PRKG1: variants seen among roughly 807,000 people sequenced by gnomAD.
PRKG1 encodes cGMP-dependent protein kinase 1.
Under a neutral mutation model 88.1 loss-of-function variants are expected in PRKG1, and 35 were observed. That is an observed-to-expected ratio of 0.40 (90% CI 0.30 to 0.53). The LOEUF is 0.53. PRKG1 is among the 20% of genes least tolerant of loss of function. The pLI, the probability that PRKG1 is intolerant of heterozygous loss-of-function variation, is 0.59. For missense variants in PRKG1, 540 were observed against 839.8 expected (o/e 0.64, Z 4.41); for synonymous variants, 303 against 292.5 (o/e 1.04, Z -0.37).
chr10:51,212,116 A>T (rs1406271204), intron 2 of PRKG1, among the ~76,000 whole-genome samples: 1 of 152,144 alleles, frequency 6.6e-6, no homozygotes, highest in African/African-American at 2.4e-5. Flanking sequence ...ACCAAAACAG[A>T]GATATAGACC....
chr10:51,855,697 G>A (rs1840663127), intron 4 of PRKG1, among the ~76,000 whole-genome samples: 1 of 152,140 alleles, frequency 6.6e-6, no homozygotes, highest in African/African-American at 2.4e-5. Flanking sequence ...TGGACTAAGG[G>A]ATTTCCTGAG....
intron 9 of PRKG1, among the ~76,000 whole-genome samples, chr10:52,202,749 A>G (rs978170040): frequency 6.6e-6 from 1 of 151,994 alleles, no homozygotes; most frequent in Admixed American, 6.6e-5. Context: ...TCCTCATTCA[A>G]TCTTGAGAAG....
At chr10:52,027,176 A>G (rs971976786) in intron 5 of PRKG1, among the ~76,000 whole-genome samples, 1 of 152,178 alleles carries the variant, frequency 6.6e-6, no homozygotes, top group African/African-American at 2.4e-5. Flanking sequence ...CTGTGCCTCT[A>G]GGTCACTAGA....
At chr10:52,142,027 G>A (rs1427817084) in intron 8 of PRKG1, among the ~76,000 whole-genome samples, 2 of 152,102 alleles carry the variant, frequency 1.3e-5, no homozygotes, top group Non-Finnish European at 2.9e-5. Context: ...AAATCACACT[G>A]TTTAATAAGA....
rs60053336 is a variant in PRKG1, at chr10:51,712,580, C to CTTTTT, written c.593-91982_593-91978dup. On this transcript the variant is annotated intron_variant, in intron 3 of 17. Coordinates refer to ENST00000373980, the MANE Select transcript of PRKG1 (RefSeq NM_006258.4). ...AAATGTTGACTCTAAAATATTATTC[C>CTTTTT]TTTTTTTTTTTTTTTTTTTTTTTTT... 5.2e-5 allele frequency among the ~76,000 whole-genome samples: 5 copies of CTTTTT among 96,002 alleles called. 1 individual carries two copies. The highest frequency in any genetic ancestry group is 1.0e-4 in the Non-Finnish European group (5 of 48,694). The allele number at this position is 96,002 out of a possible 152,430, so 63.0% of individuals were successfully genotyped here.
At chr10:51,790,492 T>G (rs964010834) in intron 3 of PRKG1, among the ~76,000 whole-genome samples, 79 of 152,300 alleles carry the variant, frequency 5.2e-4, no homozygotes, top group African/African-American at 1.8e-3. Context: ...AATGGAAGCT[T>G]AAATTAATTG....
chr10:51,438,867 C>T (rs1249169458), intron 2 of PRKG1, among the ~76,000 whole-genome samples: 1 of 151,774 alleles, frequency 6.6e-6, no homozygotes, highest in Admixed American at 6.6e-5. Context: ...GCAAATTGTA[C>T]ATTTATAAAT....
chr10:51,142,682 T>A (rs1281855886), intron 1 of PRKG1, among the ~76,000 whole-genome samples: 1 of 152,148 alleles, frequency 6.6e-6, no homozygotes, highest in Non-Finnish European at 1.5e-5. Flanking sequence ...CTAACCTCTT[T>A]ATACTTTTGT....
chr10:51,824,266 C>CTTTA (rs1341358820), intron 4 of PRKG1, among the ~76,000 whole-genome samples: 14 of 152,088 alleles, frequency 9.2e-5, no homozygotes. Flanking sequence ...AATGTGAATA[C>CTTTA]TTTAGTTAGT....
intron 2 of PRKG1, among the ~76,000 whole-genome samples, chr10:51,261,481 TAAAC>T (rs754928560): frequency 6.6e-6 from 1 of 152,206 alleles, no homozygotes; most frequent in Non-Finnish European, 1.5e-5. Flanking sequence ...ATTTCAGTGA[TAAAC>T]AATATAACTG....
chr10:51,438,076 A>G (rs374594593), intron 2 of PRKG1, among the ~76,000 whole-genome samples: 6 of 151,762 alleles, frequency 4.0e-5, no homozygotes, highest in African/African-American at 1.2e-4. Flanking sequence ...GACCTACTAC[A>G]ATGAGAATTT....
At chr10:51,164,117 C>A (rs1846456073) in intron 2 of PRKG1, among the ~76,000 whole-genome samples, 1 of 152,178 alleles carries the variant, frequency 6.6e-6, no homozygotes, top group African/African-American at 2.4e-5. Flanking sequence ...TGACCCCTGA[C>A]CCCCGAGCAG....
At chr10:51,093,048 G>A (rs150422680) in intron 1 of PRKG1, among the ~76,000 whole-genome samples, 34 of 152,240 alleles carry the variant, frequency 2.2e-4, no homozygotes, top group African/African-American at 6.0e-4. Flanking sequence ...CGTTGTGCAG[G>A]TTGATACTGT....
intron 5 of PRKG1, among the ~76,000 whole-genome samples, chr10:52,037,943 G>C (rs1184510753): frequency 2.0e-5 from 3 of 152,130 alleles, no homozygotes; most frequent in African/African-American, 7.2e-5. Flanking sequence ...GGGATGAGTG[G>C]CACTGGGCAC....
At chr10:52,109,461 C>A (rs1004863365) in intron 7 of PRKG1, among the ~76,000 whole-genome samples, 14 of 152,130 alleles carry the variant, frequency 9.2e-5, no homozygotes, top group Non-Finnish European at 1.8e-4. Flanking sequence ...AAATATCCAC[C>A]ATTTATTTAG....
At chr10:51,484,265 T>C (rs1840462274) in intron 3 of PRKG1, among the ~76,000 whole-genome samples, 1 of 152,180 alleles carries the variant, frequency 6.6e-6, no homozygotes, top group Non-Finnish European at 1.5e-5. Context: ...CTGAGCCCTA[T>C]TAGCAGTTTC....
rs186762038 is a variant in PRKG1 at position 51,571,916 on chromosome 10, A to C, written c.592+104080A>C. Among the ~76,000 whole-genome samples, 7 of 151,854 alleles carry C rather than the reference A, an allele frequency of 4.6e-5. No individual in the cohort carries two copies. The Admixed American group carries it at 4.6e-4, about 10-fold the overall frequency. ...AGCCCTGAGAAAAGTACTGGCTTAA[A>C]ATTTCTTATCTACCGGAAAGCATAC... On this transcript the variant is annotated intron_variant, in intron 3 of 17. Transcript: ENST00000373980.
At chr10:51,893,355 G>T (rs2132912634) in intron 4 of PRKG1, among the ~76,000 whole-genome samples, 1 of 152,132 alleles carries the variant, frequency 6.6e-6, no homozygotes, top group Non-Finnish European at 1.5e-5. Flanking sequence ...ACAGACCAGG[G>T]TAATCATAAA....
At chr10:51,312,138 C>A (rs1040902722) in intron 2 of PRKG1, among the ~76,000 whole-genome samples, 4 of 152,176 alleles carry the variant, frequency 2.6e-5, no homozygotes, top group African/African-American at 9.7e-5. Context: ...TCCAAAAGTG[C>A]TGGGATTACA....
Sources: allele counts gnomAD v4.1 joint callset (sites outside exome capture counted in the v4.1 genomes callset), GRCh38; gene constraint gnomAD v4.1.1; transcripts MANE v1.5; gene names NCBI Gene and HGNC (gene_info 2026-07-23, HGNC 2026-07-21).